The following HLA-DPA1 variants were observed in gnomAD, a reference collection of about 807,000 sequenced individuals.
HLA-DPA1 encodes the protein HLA class II histocompatibility antigen, DP alpha 1 chain.
A neutral mutation model predicts 21.5 loss-of-function variants in HLA-DPA1; 20 were observed. That is an observed-to-expected ratio of 0.93 (90% CI 0.66 to 1.35). The LOEUF is 1.35. Among genes scored for constraint, HLA-DPA1 ranks in the 40% most tolerant of loss-of-function variants. The pLI, the probability that HLA-DPA1 is intolerant of heterozygous loss-of-function variation, is 0.00. For synonymous variants in HLA-DPA1, 123 were observed against 129.6 expected, an observed-to-expected ratio of 0.95 and a Z score of 0.35; for missense variants, 279 against 323.0, an observed-to-expected ratio of 0.86 and a Z score of 1.05.
chr6:33,068,666 G>T lies in HLA-DPA1; in HGVS notation c.767C>A (p.Ala256Asp), dbSNP rs1762083158. The change falls in exon 5 of 6, where the codon GCC becomes GAC. Residue 256 changes from alanine to aspartate, a missense_variant. Ala to Asp is a moderately radical substitution (Grantham distance 126, BLOSUM62 -2). Transcript: ENST00000419277. ...TACAGTATTTCACAGGGTCCCCTGG[G>T]CCCGGGGGTCATGGCCAGAACGCAG... 1.9e-6 allele frequency: 3 copies of T among 1,612,666 alleles called. No individual in the cohort carries two copies. In the East Asian group the frequency reaches 6.7e-5, roughly 36 times the overall value.
intron 5 of HLA-DPA1, chr6:33,066,000 G>T (rs1316756895): frequency 1.3e-5 from 2 of 152,024 alleles, no homozygotes; most frequent in Non-Finnish European, 2.9e-5. Flanking sequence ...TTATTACTGA[G>T]TTCTTTTGGT....
At chr6:33,078,842 C>G (rs2150369914) in intron 1 of HLA-DPA1, among the ~76,000 whole-genome samples, 1 of 152,218 alleles carries the variant, frequency 6.6e-6, no homozygotes, top group East Asian at 1.9e-4. Context: ...GAAACAAAGA[C>G]TAACAAATGA....
intron 1 of HLA-DPA1, among the ~76,000 whole-genome samples, chr6:33,075,370 T>TG (rs1244496435): frequency 6.6e-6 from 1 of 152,142 alleles, no homozygotes; most frequent in Non-Finnish European, 1.5e-5. Flanking sequence ...ACGCTCCCAG[T>TG]GTAAGGTCCC....
chr6:33,073,117 TC>T (rs1299874281), intron 2 of HLA-DPA1, among the ~76,000 whole-genome samples: 3 of 152,206 alleles, frequency 2.0e-5, no homozygotes, highest in African/African-American at 7.2e-5. Context: ...CAGAGCTGGG[TC>T]TGGACTTCAA....
chr6:33,079,723 G>A (rs1762735983), intron 1 of HLA-DPA1: 1 of 511,688 alleles, frequency 2.0e-6, no homozygotes. Flanking sequence ...TGCTGCTGAT[G>A]TGCAACAAAT....
chr6:33,078,811 C>T (rs2150369873), intron 1 of HLA-DPA1, among the ~76,000 whole-genome samples: 1 of 152,214 alleles, frequency 6.6e-6, no homozygotes, highest in East Asian at 1.9e-4. Context: ...AAAACGTTCT[C>T]TTACTGGTGA....
At chr6:33,075,293 A>G (rs146869953) in intron 1 of HLA-DPA1, among the ~76,000 whole-genome samples, 1 of 152,320 alleles carries the variant, frequency 6.6e-6, no homozygotes, top group Non-Finnish European at 1.5e-5. Context: ...AAGACAAGGA[A>G]TCGAAGTCCA....
chr6:33,067,372 TA>T (rs67844630), intron 5 of HLA-DPA1: 43,843 of 151,816 alleles, frequency 0.29, 8,359 homozygotes, highest in East Asian at 0.68. Context: ...ACCTGGTTGT[TA>T]AAAAGAGGCT....
chr6:33,072,091 G>T (rs1762308942), intron 2 of HLA-DPA1, among the ~76,000 whole-genome samples: 2 of 152,144 alleles, frequency 1.3e-5, no homozygotes, highest in Admixed American at 6.5e-5. Context: ...TGATAAGGAG[G>T]ATCCAGGTAA....
intron 1 of HLA-DPA1, among the ~76,000 whole-genome samples, chr6:33,079,204 A>G (rs1162268361): frequency 6.6e-6 from 1 of 152,246 alleles, no homozygotes; most frequent in Non-Finnish European, 1.5e-5. Context: ...CAGAACAATC[A>G]CAGCACCTTA....
intron 3 of HLA-DPA1, 24 bp downstream of exon 2, chr6:33,069,617 G>C: frequency 6.2e-7 from 1 of 1,610,624 alleles, no homozygotes; most frequent in South Asian, 1.1e-5. Context: ...GGGCTACAGA[G>C]GAAGAGGCAA....
At position 33,080,594 on chromosome 6, in the gene HLA-DPA1, G is replaced by A; in HGVS notation, c.-100+86C>T. 4.4e-6 allele frequency: 7 copies of A among 1,592,578 alleles called. No homozygotes were observed. The highest frequency in any genetic ancestry group is 6.0e-6 in the Non-Finnish European group (7 of 1,162,342). ...TGGGTGGGAAGATTTGGGAAGAATC[G>A]TTAATATTGAGAGAGAGAGGGAGAA... is the stretch of plus-strand genomic sequence containing the variant. On this transcript the variant is annotated intron_variant, in intron 1 of 5. Transcript: ENST00000419277. This position sits in a 1 kb window ranked among gnomAD's most constrained non-coding sequence, Gnocchi z 4.3.
At chr6:33,079,911 A>C in intron 1 of HLA-DPA1, 1 of 256,982 alleles carries the variant, frequency 3.9e-6, no homozygotes, top group Non-Finnish European at 7.7e-6. Flanking sequence ...AAACTGCCAA[A>C]AAAAATTACA....
intron 1 of HLA-DPA1, among the ~76,000 whole-genome samples, chr6:33,076,464 C>G (rs1762544511): frequency 6.6e-6 from 1 of 152,160 alleles, no homozygotes; most frequent in African/African-American, 2.4e-5. Context: ...CAAGTGCAGG[C>G]TCCTGGGCGT....
intron 1 of HLA-DPA1, chr6:33,079,393 C>T (rs1762718733): frequency 5.4e-6 from 1 of 184,836 alleles, no homozygotes; most frequent in Admixed American, 6.0e-5. Context: ...AAAATTACAT[C>T]AATGCTGTCT....
exon 3 of HLA-DPA1, chr6:33,069,672 G>A (rs1378861003): frequency 1.9e-6 from 3 of 1,612,542 alleles, no homozygotes; most frequent in Non-Finnish European, 2.5e-6. Context: ...TGGAACGCTG[G>A]ATCAAGGTAT....
rs1360952545 is a variant in HLA-DPA1, at chr6:33,073,349, A to G, written c.100+122T>C. The G allele has an allele frequency of 7.3e-6, 5 of 688,954 alleles. No homozygotes were observed. In the African/African-American group the frequency reaches 8.9e-5, roughly 12 times the overall value. 42.7% of individuals were successfully genotyped at this position (688,954 alleles called of 1,614,324 possible). Reference sequence around the variant, plus strand: ...GTTATTATTATGAGGGCCAGAGGGAACATAGACTATGAGGACCAGATAGAT... The same window carrying G: ...GTTATTATTATGAGGGCCAGAGGGAGCATAGACTATGAGGACCAGATAGAT... On this transcript the variant is annotated intron_variant, in intron 2 of 5. Transcript: ENST00000419277.
At chr6:33,067,954 T>A (rs969979658) in intron 5 of HLA-DPA1, 1 of 152,150 alleles carries the variant, frequency 6.6e-6, no homozygotes, top group African/African-American at 2.4e-5. Context: ...ATAACAATAA[T>A]AATAATGAAT....
Position 33,067,766 on chromosome 6 carries a change from C to A in HLA-DPA1, c.*12+872G>T, listed in dbSNP as rs888625252. The stretch of plus-strand genomic sequence containing the variant: ...GATCTATGCAAATAAAAGGAAACAT[C>A]AAATTCATTAAAATGTTTACCTATG... On this transcript the variant is annotated intron_variant, in intron 5 of 5. Transcript: ENST00000419277. 3.1e-4 allele frequency: 47 copies of A among 152,050 alleles called. 1 individual carries two copies. Among genetic ancestry groups the A allele is most frequent in the African/African-American group, 1.0e-3 (42 of 41,388 alleles). 9.4% of individuals were successfully genotyped at this position (152,050 alleles called of 1,614,324 possible).
Sources: allele counts gnomAD v4.1 joint callset (sites outside exome capture counted in the v4.1 genomes callset), GRCh38; gene constraint gnomAD v4.1.1; non-coding constraint Gnocchi (gnomAD v3.1); transcripts MANE v1.5; gene names NCBI Gene and HGNC (gene_info 2026-07-23, HGNC 2026-07-21).